The following GLT1D1 variants were observed in gnomAD, a reference collection of about 807,000 sequenced individuals.
GLT1D1 encodes glycosyltransferase 1 domain containing 1, also known as glycosyltransferase 1 domain-containing protein 1.
In GLT1D1, 21 loss-of-function variants were observed where a neutral mutation model predicts 28.7. That is an observed-to-expected ratio of 0.73 (90% confidence interval 0.52 to 1.05). The LOEUF (loss-of-function observed/expected upper bound fraction) is 1.05. Among genes scored for constraint, GLT1D1 ranks in the 50% least tolerant of loss-of-function variants. The pLI is 0.00. For synonymous variants in GLT1D1, 147 were observed against 124.8 expected (o/e 1.18, Z -1.19); for missense variants, 343 against 330.6 (o/e 1.04, Z -0.29).
intron 4 of GLT1D1, among the ~76,000 whole-genome samples, chr12:128,901,469 C>T (rs1870254645): frequency 6.8e-6 from 1 of 146,920 alleles, no homozygotes; most frequent in African/African-American, 2.5e-5. Flanking sequence ...TGGAGTCTCG[C>T]TCTGTCGCCC....
intron 1 of GLT1D1, among the ~76,000 whole-genome samples, chr12:128,861,955 G>A (rs1956388529): frequency 6.6e-6 from 1 of 152,212 alleles, no homozygotes; most frequent in African/African-American, 2.4e-5. Context: ...GTTCAGACAA[G>A]GAGGCTATTT....
At chr12:128,864,459 A>G (rs1034490193) in intron 1 of GLT1D1, among the ~76,000 whole-genome samples, 1 of 152,100 alleles carries the variant, frequency 6.6e-6, no homozygotes, top group Non-Finnish European at 1.5e-5. Context: ...TCAAGACGCC[A>G]AAGGGGCAGT....
intron 2 of GLT1D1, 123 bp from the exon 3 acceptor site, chr12:128,888,516 T>C (rs527294378): frequency 1.4e-5 from 9 of 643,532 alleles, no homozygotes; most frequent in Non-Finnish European, 2.2e-5. Context: ...TGCAGCTAAA[T>C]GTACAGCAAC....
At chr12:128,869,921 A>G (rs1956639831) in intron 1 of GLT1D1, among the ~76,000 whole-genome samples, 1 of 147,750 alleles carries the variant, frequency 6.8e-6, no homozygotes, top group Non-Finnish European at 1.5e-5. Flanking sequence ...TTTAAAAAAG[A>G]GTTCCTGTGT....
At chr12:128,890,610 C>A (rs1471513586) in intron 3 of GLT1D1, among the ~76,000 whole-genome samples, 2 of 151,914 alleles carry the variant, frequency 1.3e-5, no homozygotes, top group South Asian at 2.1e-4. Context: ...CACGGAGAAA[C>A]CCCATCTCTA....
At chr12:128,953,111 G>A (rs558126366) in intron 6 of GLT1D1, among the ~76,000 whole-genome samples, 14 of 151,900 alleles carry the variant, frequency 9.2e-5, no homozygotes, top group South Asian at 6.2e-4. Context: ...CGTGCTTATC[G>A]CCCCATTTAT....
chr12:128,978,812 G>A (rs1880040995), intron 7 of GLT1D1, among the ~76,000 whole-genome samples: 1 of 152,122 alleles, frequency 6.6e-6, no homozygotes, highest in Admixed American at 6.5e-5. Flanking sequence ...AACAAGGGGT[G>A]GATTATTCAT....
intron 7 of GLT1D1, among the ~76,000 whole-genome samples, chr12:128,973,348 A>ATT (rs369304204): frequency 0.38 from 44,667 of 118,416 alleles, 9,629 homozygotes; most frequent in Non-Finnish European, 0.5. Context: ...ACACCTGGCT[A>ATT]TTTTTTTTTT....
rs550204231 is a variant in GLT1D1, at chr12:128,941,569, CTT to C, written c.376-3737_376-3736del. On this transcript the variant is annotated intron_variant, in intron 4 of 7. Transcript: ENST00000281703. The stretch of plus-strand genomic sequence containing the variant: ...GTCTCTTCTTTCTCTCTCTCTTTCT[CTT>C]TTTTTTTTTTTTTTTTTTTGAGACA... Among the ~76,000 whole-genome samples the C allele has an allele frequency of 2.6e-3, 275 of 107,562 alleles. 1 individual carries two copies. The highest frequency in any genetic ancestry group is 9.9e-3 in the African/African-American group (247 of 24,832). 70.6% of individuals were successfully genotyped at this position (107,562 alleles called of 152,430 possible).
Position 128,876,060 on chromosome 12 carries a change from A to G in GLT1D1, c.215A>G (p.Gln72Arg). ...CTCTATAGGGGAGGCAGGCTTTTGCAAGGTAATCCTCTTTTTCTTCAAAAG... is the reference window on the plus strand; with the variant it reads ...CTCTATAGGGGAGGCAGGCTTTTGCGAGGTAATCCTCTTTTTCTTCAAAAG... The change falls in exon 2 of 8, where the codon CAA becomes CGA. Residue 72 changes from glutamine (Q) to arginine (R), a missense_variant and splice_region_variant. Physicochemically the swap from Gln to Arg is conservative, Grantham distance 43 (BLOSUM62 1). Coordinates refer to ENST00000281703, the MANE Select transcript of GLT1D1 (RefSeq NM_144669.3). 1.2e-6 allele frequency: 2 copies of G among 1,600,198 alleles called. No homozygotes were observed. Among genetic ancestry groups the G allele is most frequent in the Middle Eastern group, 1.7e-4 (1 of 5,970 alleles).
At chr12:128,859,532 G>C (rs145426159) in intron 1 of GLT1D1, among the ~76,000 whole-genome samples, 74 of 152,306 alleles carry the variant, frequency 4.9e-4, no homozygotes, top group African/African-American at 1.7e-3. Context: ...ACACCCTGTA[G>C]TGCACAGGGC....
At chr12:128,952,945 A>C (rs967134570) in intron 6 of GLT1D1, among the ~76,000 whole-genome samples, 1 of 151,014 alleles carries the variant, frequency 6.6e-6, no homozygotes, top group Non-Finnish European at 1.5e-5. Flanking sequence ...TGCCCAGCTA[A>C]TTTTGTTTCT....
chr12:128,966,791 T>A (rs1565919213), intron 7 of GLT1D1, among the ~76,000 whole-genome samples: 1 of 76,142 alleles, frequency 1.3e-5, no homozygotes, highest in Non-Finnish European at 3.0e-5. Flanking sequence ...AAGCCATTTT[T>A]AATTTTTTTT....
chr12:128,927,077 T>C (rs1873300754), intron 4 of GLT1D1, 28 bp from the exon 8 acceptor site: 1 of 1,524,698 alleles, frequency 6.6e-7, no homozygotes, highest in African/African-American at 1.4e-5. Context: ...ATTTGAAGTG[T>C]TTTTTTGTCT....
intron 5 of GLT1D1, among the ~76,000 whole-genome samples, chr12:128,946,993 G>A (rs146404345): frequency 6.6e-6 from 1 of 152,046 alleles, no homozygotes; most frequent in Non-Finnish European, 1.5e-5. Context: ...GTATTTTAAA[G>A]AATTATTTGA....
intron 1 of GLT1D1, among the ~76,000 whole-genome samples, chr12:128,854,898 T>C (rs1004756646): frequency 1.3e-5 from 2 of 152,118 alleles, no homozygotes; most frequent in African/African-American, 4.8e-5. Flanking sequence ...CAAGAGAGGA[T>C]CCATCAGTTT....
chr12:128,969,374 CT>C (rs1462612592), intron 7 of GLT1D1, among the ~76,000 whole-genome samples: 4 of 152,172 alleles, frequency 2.6e-5, no homozygotes, highest in Non-Finnish European at 5.9e-5. Flanking sequence ...CTGATTCTCT[CT>C]GTATTCTTGG....
chr12:128,905,113 A>G (rs1208196895), intron 4 of GLT1D1, among the ~76,000 whole-genome samples: 10 of 152,112 alleles, frequency 6.6e-5, no homozygotes. Flanking sequence ...TACACCACTT[A>G]CGCCGTTTCC....
At chr12:128,962,274 C>A (rs1878047583) in intron 7 of GLT1D1, among the ~76,000 whole-genome samples, 1 of 152,258 alleles carries the variant, frequency 6.6e-6, no homozygotes, top group Admixed American at 6.5e-5. Flanking sequence ...GTTCTCCTAG[C>A]TGCCTGTTGC....
Sources: gnomAD v4.1 joint callset for allele counts (sites outside exome capture counted in the v4.1 genomes callset) on GRCh38, gnomAD v4.1.1 for gene constraint, MANE v1.5 for transcripts, NCBI Gene and HGNC (gene_info 2026-07-23, HGNC 2026-07-21) for gene names.